Variants in ENTHD1 observed in about 807,000 individuals in gnomAD.
The protein encoded by ENTHD1 is ENTH domain containing 1.
In ENTHD1, 23 loss-of-function variants were observed where a neutral mutation model predicts 39.1. The ratio of observed to expected loss-of-function variants is 0.59; its 90% CI spans 0.42 to 0.83. The LOEUF is 0.83. ENTHD1 is among the 40% of genes least tolerant of loss of function. ENTHD1 has a pLI of 0.00. For missense variants in ENTHD1, 624 were observed against 705.4 expected, an observed-to-expected ratio of 0.88 and a Z score of 1.31; for synonymous variants, 230 against 258.2, an observed-to-expected ratio of 0.89 and a Z score of 1.05.
At chr22:39,756,636 C>A (rs566938764) in intron 6 of ENTHD1, among the ~76,000 whole-genome samples, 2 of 152,256 alleles carry the variant, frequency 1.3e-5, no homozygotes, top group Admixed American at 6.5e-5. Context: ...CCCGGTCACA[C>A]ACACATATAT....
At chr22:39,802,856 C>G (rs1045592111) in intron 5 of ENTHD1, among the ~76,000 whole-genome samples, 2 of 152,224 alleles carry the variant, frequency 1.3e-5, no homozygotes, top group East Asian at 3.8e-4. Flanking sequence ...TTCCATCACT[C>G]TGACAATCAG....
intron 5 of ENTHD1, among the ~76,000 whole-genome samples, chr22:39,808,135 C>T (rs1176703585): frequency 6.6e-6 from 1 of 152,078 alleles, no homozygotes; most frequent in Non-Finnish European, 1.5e-5. Context: ...TAAATGAGCT[C>T]GACCATTTAA....
At chr22:39,872,129 T>C (rs1441405791) in intron 2 of ENTHD1, among the ~76,000 whole-genome samples, 1 of 152,198 alleles carries the variant, frequency 6.6e-6, no homozygotes, top group African/African-American at 2.4e-5. Flanking sequence ...ACTTTTAAGC[T>C]AGAATGTTTC....
intron 2 of ENTHD1, among the ~76,000 whole-genome samples, chr22:39,883,191 G>C (rs1000920047): frequency 3.3e-5 from 5 of 151,370 alleles, no homozygotes; most frequent in Non-Finnish European, 5.9e-5. Context: ...TGCTTCTGTT[G>C]ACATTTCAGT....
intron 1 of ENTHD1, among the ~76,000 whole-genome samples, chr22:39,888,635 C>T (rs919286095): frequency 3.9e-5 from 6 of 152,042 alleles, no homozygotes; most frequent in African/African-American, 1.4e-4. Context: ...ACCATGTTGG[C>T]GAGGCTGGTC....
At chr22:39,781,238 A>G (rs936854500) in intron 5 of ENTHD1, among the ~76,000 whole-genome samples, 2 of 152,204 alleles carry the variant, frequency 1.3e-5, no homozygotes, top group Non-Finnish European at 2.9e-5. Flanking sequence ...GCCGTTGTCC[A>G]GAACAAACCA....
At position 39,764,861 on chromosome 22, in the gene ENTHD1, C is replaced by T. The variant is rs544727167; in HGVS notation, c.1219+362G>A. On this transcript the variant is annotated intron_variant, in intron 6 of 6. Coordinates refer to ENST00000325157, the MANE Select transcript of ENTHD1 (RefSeq NM_152512.4). ...GGGGGTGTGTGTATACACCAATACA[C>T]ATAATAACCAATTCTTTTTCATATA... 2.8e-4 allele frequency among the ~76,000 whole-genome samples: 43 copies of T among 152,080 alleles called. 1 individual carries two copies. The highest frequency in any genetic ancestry group is 9.6e-4 in the African/African-American group (40 of 41,522).
At chr22:39,859,365 A>T (rs2066120961) in intron 3 of ENTHD1, among the ~76,000 whole-genome samples, 2 of 152,184 alleles carry the variant, frequency 1.3e-5, no homozygotes, top group South Asian at 4.1e-4. Context: ...TTACATTCAT[A>T]ACTTAGCTAA....
chr22:39,784,990 T>A (rs1004295413), intron 5 of ENTHD1, among the ~76,000 whole-genome samples: 2 of 152,196 alleles, frequency 1.3e-5, no homozygotes, highest in African/African-American at 2.4e-5. Context: ...GTACACTGAT[T>A]TGATTTTTAC....
intron 3 of ENTHD1, among the ~76,000 whole-genome samples, chr22:39,842,652 G>A (rs111745704): frequency 4.0e-5 from 6 of 151,820 alleles, no homozygotes; most frequent in Non-Finnish European, 8.8e-5. Context: ...CAAAAGAAAC[G>A]ACCATCAGAG....
chr22:39,866,201 C>T (rs1431871235), intron 2 of ENTHD1, among the ~76,000 whole-genome samples: 3 of 152,110 alleles, frequency 2.0e-5, no homozygotes, highest in African/African-American at 7.2e-5. Flanking sequence ...CTTGAGGAGT[C>T]CTCCCAAACA....
Position 39,805,602 on chromosome 22 carries a change from GCCCAACAA to G in ENTHD1, c.832+15383_832+15390del, listed in dbSNP as rs1306010925. ...TTAGCAGAAGTCAGTGTGAAGAGAT[GCCCAACAA>G]CCCACGGACCAGATATTTCCCCCAT... On this transcript the variant is annotated intron_variant, in intron 5 of 6. Transcript: ENST00000325157. Among the ~76,000 whole-genome samples the G allele has an allele frequency of 1.1e-4, 16 of 152,234 alleles. No individual in the cohort carries two copies. The South Asian group carries it at 3.1e-3, about 30-fold the overall frequency.
At chr22:39,854,896 A>G (rs1175919238) in intron 3 of ENTHD1, among the ~76,000 whole-genome samples, 1 of 152,048 alleles carries the variant, frequency 6.6e-6, no homozygotes, top group African/African-American at 2.4e-5. Context: ...ACATCTTTAG[A>G]CTCCTTCTAA....
At chr22:39,851,302 T>C (rs2066036781) in intron 3 of ENTHD1, among the ~76,000 whole-genome samples, 1 of 152,258 alleles carries the variant, frequency 6.6e-6, no homozygotes, top group South Asian at 2.1e-4. Flanking sequence ...GCTCACTAAA[T>C]ACATTTTTTT....
chr22:39,856,268 T>G (rs565952014), intron 3 of ENTHD1, among the ~76,000 whole-genome samples: 116 of 132,142 alleles, frequency 8.8e-4, no homozygotes, highest in Non-Finnish European at 5.7e-4. Context: ...GAGTGAAACT[T>G]CATCTCAAAA....
intron 2 of ENTHD1, among the ~76,000 whole-genome samples, chr22:39,869,290 G>A (rs778577398): frequency 6.6e-6 from 1 of 152,170 alleles, no homozygotes; most frequent in East Asian, 1.9e-4. Flanking sequence ...CCATAAAAAA[G>A]AATGAAATCA....
At chr22:39,874,143 A>G (rs1037552268) in intron 2 of ENTHD1, 1 of 152,178 alleles carries the variant, frequency 6.6e-6, no homozygotes, top group African/African-American at 2.4e-5. Context: ...AGAACAGCAC[A>G]CAAAAGACCT....
At chr22:39,757,014 CAA>C (rs36089325) in intron 6 of ENTHD1, among the ~76,000 whole-genome samples, 46 of 129,404 alleles carry the variant, frequency 3.6e-4, no homozygotes, top group South Asian at 2.0e-3. Context: ...CAATTTCTAC[CAA>C]AAAAAAAAAA....
At chr22:39,875,454 T>C in intron 2 of ENTHD1, 1 of 1,529,366 alleles carries the variant, frequency 6.5e-7, no homozygotes, top group Non-Finnish European at 8.7e-7. Context: ...CGGGAGTCGC[T>C]GAGCGGCCAG....
Sources: allele counts gnomAD v4.1 joint callset (sites outside exome capture counted in the v4.1 genomes callset), GRCh38; gene constraint gnomAD v4.1.1; transcripts MANE v1.5; gene names NCBI Gene and HGNC (gene_info 2026-07-23, HGNC 2026-07-21).